The following SORCS2 variants were observed in gnomAD, a reference collection of about 807,000 sequenced individuals.
SORCS2 encodes sortilin related VPS10 domain containing receptor 2, also known as VPS10 domain-containing receptor SorCS2.
SORCS2 carries 100 observed loss-of-function variants against 141.6 expected under a neutral mutation model. That is an observed-to-expected ratio of 0.71 (90% CI 0.60 to 0.83). The LOEUF (loss-of-function observed/expected upper bound fraction) is 0.83. Among genes scored for constraint, SORCS2 ranks in the 40% least tolerant of loss-of-function variants. The pLI is 0.00. For synonymous variants in SORCS2, 789 were observed against 676.9 expected (o/e 1.17, Z -2.57); for missense variants, 1,646 against 1,560.2 (o/e 1.05, Z -0.93).
At chr4:7,365,065 A>G (rs1721795752) in intron 1 of SORCS2, among the ~76,000 whole-genome samples, 1 of 152,218 alleles carries the variant, frequency 6.6e-6, no homozygotes, top group Admixed American at 6.5e-5. Context: ...AGCGCTGAGC[A>G]CTGTGGCCAG....
chr4:7,527,253 C>T (rs1391075357), intron 2 of SORCS2, among the ~76,000 whole-genome samples: 2 of 152,242 alleles, frequency 1.3e-5, no homozygotes, highest in East Asian at 1.9e-4. Context: ...ACGTCCACGT[C>T]CTAATCCCCG....
rs563160120 is a variant in SORCS2, at chr4:7,286,409, C to T, written c.480+93283C>T. ...TGGCCAGAACGGAGCAGGGTGTGGG[C>T]GAAGGGAGACGTCCTGGAAGGCAGC... On this transcript the variant is annotated intron_variant, in intron 1 of 26. Transcript: ENST00000507866. The surrounding 1 kb of genome is among the most constrained non-coding windows in gnomAD (Gnocchi z 4.1). 1.3e-5 allele frequency among the ~76,000 whole-genome samples: 2 copies of T among 152,116 alleles called. No individual in the cohort carries two copies. The highest frequency in any genetic ancestry group is 1.9e-4 in the East Asian group (1 of 5,190).
At chr4:7,695,876 GTGGATGGATGGATGGA>G (rs1299827624) in intron 11 of SORCS2, among the ~76,000 whole-genome samples, 3 of 27,690 alleles carry the variant, frequency 1.1e-4, no homozygotes, top group African/African-American at 4.2e-4. Context: ...GGGTGGGTGG[GTGGATGGATGGATGGA>G]TGGATGGATG....
intron 2 of SORCS2, among the ~76,000 whole-genome samples, chr4:7,471,231 C>T (rs1807425): frequency 0.31 from 46,950 of 152,174 alleles, 7,625 homozygotes; most frequent in South Asian, 0.42. Flanking sequence ...TTCCCCGCTC[C>T]GCTCAGCTCC....
chr4:7,508,987 C>T (rs563949237), intron 2 of SORCS2, among the ~76,000 whole-genome samples: 7 of 152,306 alleles, frequency 4.6e-5, no homozygotes, highest in South Asian at 4.2e-4. Context: ...CTGTGAACCT[C>T]GCGGAGACTG....
chr4:7,228,378 C>A (rs1711568508), intron 1 of SORCS2, among the ~76,000 whole-genome samples: 1 of 152,174 alleles, frequency 6.6e-6, no homozygotes, highest in Non-Finnish European at 1.5e-5. Context: ...CACAGTTCAA[C>A]ATGTAACAGT....
intron 1 of SORCS2, among the ~76,000 whole-genome samples, chr4:7,292,251 C>T (rs909753374): frequency 2.7e-5 from 4 of 150,454 alleles, no homozygotes; most frequent in South Asian, 2.1e-4. Context: ...GAGGCTCCCC[C>T]GCATTCACGG....
intron 3 of SORCS2, among the ~76,000 whole-genome samples, chr4:7,549,555 A>G (rs957598466): frequency 1.3e-5 from 2 of 152,140 alleles, no homozygotes; most frequent in African/African-American, 4.8e-5. Flanking sequence ...CCTGCTGGCC[A>G]TGGGCCACTG....
chr4:7,322,644 C>CT (rs1175707421), intron 1 of SORCS2, among the ~76,000 whole-genome samples: 1 of 152,222 alleles, frequency 6.6e-6, no homozygotes, highest in Non-Finnish European at 1.5e-5. Context: ...GCCCAACCCC[C>CT]TTGTCCAGCC....
intron 1 of SORCS2, among the ~76,000 whole-genome samples, chr4:7,215,969 G>A (rs1320666444): frequency 7.2e-5 from 11 of 151,782 alleles, no homozygotes; most frequent in Non-Finnish European, 4.4e-5. Flanking sequence ...GTGGCAACCC[G>A]CTCGGGTCCC....
chr4:7,395,087 A>C (rs1429824362), intron 1 of SORCS2, among the ~76,000 whole-genome samples: 2 of 140,562 alleles, frequency 1.4e-5, no homozygotes, highest in African/African-American at 5.3e-5. Context: ...TGGCATAGCC[A>C]ATCTGGCCTT....
intron 3 of SORCS2, among the ~76,000 whole-genome samples, chr4:7,560,192 A>G (rs1459290992): frequency 6.6e-6 from 1 of 152,196 alleles, no homozygotes; most frequent in African/African-American, 2.4e-5. Flanking sequence ...TGTCTCACTC[A>G]TTCCTATCCG....
rs967708300 is a variant in SORCS2, at chr4:7,435,911, G to C, written c.548+39556G>C. On this transcript the variant is annotated intron_variant, in intron 2 of 26. Transcript: ENST00000507866. The stretch of plus-strand genomic sequence containing the variant: ...GCAGGGGGCTCCCCTAGCCCCACAT[G>C]TGGGTGTCCTCAGCTCAGCTTCCTG... 3.9e-5 allele frequency among the ~76,000 whole-genome samples: 6 copies of C among 152,354 alleles called. No homozygotes were observed. The South Asian group carries it at 1.2e-3, about 32-fold the overall frequency.
At chr4:7,680,503 C>A (rs1449583902) in intron 9 of SORCS2, among the ~76,000 whole-genome samples, 3 of 152,248 alleles carry the variant, frequency 2.0e-5, no homozygotes, top group African/African-American at 7.2e-5. Context: ...CAGAGTGATG[C>A]CACATGGGCA....
intron 1 of SORCS2, among the ~76,000 whole-genome samples, chr4:7,387,838 A>G (rs919453594): frequency 6.0e-5 from 3 of 49,624 alleles, no homozygotes; most frequent in African/African-American, 1.1e-4. Flanking sequence ...ATGCACATAC[A>G]TACACATGCA....
chr4:7,247,163 C>T (rs1359161990), intron 1 of SORCS2, among the ~76,000 whole-genome samples: 3 of 152,138 alleles, frequency 2.0e-5, no homozygotes, highest in Non-Finnish European at 4.4e-5. Flanking sequence ...CAACAAGACC[C>T]CAGGTGTGGC....
At chr4:7,660,358 T>A (rs576376717) in intron 5 of SORCS2, among the ~76,000 whole-genome samples, 2 of 152,262 alleles carry the variant, frequency 1.3e-5, no homozygotes, top group Non-Finnish European at 2.9e-5. Flanking sequence ...CTACAGTGTC[T>A]CCTTTATCTC....
chr4:7,516,767 G>C (rs188923657), intron 2 of SORCS2, among the ~76,000 whole-genome samples: 2 of 152,176 alleles, frequency 1.3e-5, no homozygotes, highest in African/African-American at 2.4e-5. Context: ...TCCCCTTCTC[G>C]GCATGGTCCT....
chr4:7,434,080 A>G, intron 2 of SORCS2: 2 of 1,611,670 alleles, frequency 1.2e-6, no homozygotes, highest in Non-Finnish European at 8.5e-7. Context: ...GTCCATGGCC[A>G]CTACTTGAGT....
Sources: gnomAD v4.1 joint callset for allele counts (sites outside exome capture counted in the v4.1 genomes callset) on GRCh38, gnomAD v4.1.1 for gene constraint, Gnocchi (gnomAD v3.1) non-coding constraint, MANE v1.5 for transcripts, NCBI Gene and HGNC (gene_info 2026-07-23, HGNC 2026-07-21) for gene names.